Variants in PTPRM observed in about 807,000 individuals in gnomAD.
PTPRM encodes the protein receptor-type tyrosine-protein phosphatase mu.
PTPRM carries 47 observed loss-of-function variants against 186.7 expected under a neutral mutation model. The observed-to-expected ratio is 0.25, with a 90% CI of 0.20 to 0.32. The LOEUF is 0.32. Among genes scored for constraint, PTPRM ranks in the 10% least tolerant of loss-of-function variants. The pLI is 1.00. For synonymous variants in PTPRM, 668 were observed against 674.9 expected (o/e 0.99, Z 0.16); for missense variants, 1,494 against 1,865.0 (o/e 0.80, Z 3.66).
intron 1 of PTPRM, among the ~76,000 whole-genome samples, chr18:7,631,413 T>C (rs1310502968): frequency 6.6e-6 from 1 of 152,008 alleles, no homozygotes; most frequent in Non-Finnish European, 1.5e-5. Flanking sequence ...CCATTAACTT[T>C]GCTGTAATAA....
chr18:7,650,977 G>A (rs2038689346), intron 1 of PTPRM, among the ~76,000 whole-genome samples: 2 of 150,410 alleles, frequency 1.3e-5, no homozygotes, highest in Admixed American at 1.3e-4. Flanking sequence ...TGTTGCCCAG[G>A]CTGGAGTGCA....
At position 8,379,267 on chromosome 18, in the gene PTPRM, C is replaced by T. The variant is rs759528828; in HGVS notation, c.3713C>T (p.Pro1238Leu). Residue 1238 changes from proline (P) to leucine (L), a missense_variant, in exon 28 of 33, where the codon CCA becomes CTA. By Grantham distance (98) the Pro-to-Leu change is moderately conservative. Around this residue, in one of 3 missense-constraint regions of PTPRM, gnomAD observed 1,107 missense variants for 1,350.2 expected, o/e 0.82. Transcript: ENST00000580170. ...EKNRCMDILP[P>L]DRCLPFLITI... ...AACCGGTGCATGGACATCCTGCCCCCAGACCGCTGCCTGCCCTTCCTCATC... is the reference window on the plus strand; with the variant it reads ...AACCGGTGCATGGACATCCTGCCCCTAGACCGCTGCCTGCCCTTCCTCATC... The T allele has an allele frequency of 3.7e-6, 6 of 1,614,154 alleles. No homozygotes were observed. The East Asian group carries it at 1.1e-4, about 30-fold the overall frequency.
At chr18:8,214,452 A>G (rs1419103383) in intron 14 of PTPRM, among the ~76,000 whole-genome samples, 1 of 152,162 alleles carries the variant, frequency 6.6e-6, no homozygotes, top group African/African-American at 2.4e-5. Flanking sequence ...ATTCTTTTAA[A>G]AAGTTTAGTT....
chr18:8,197,636 A>G (rs1476501208), intron 14 of PTPRM, among the ~76,000 whole-genome samples: 1 of 152,228 alleles, frequency 6.6e-6, no homozygotes. Context: ...CTGAGTTCAT[A>G]GGATTAATCA....
chr18:7,756,839 T>G (rs1235051535), intron 1 of PTPRM, among the ~76,000 whole-genome samples: 1 of 152,058 alleles, frequency 6.6e-6, no homozygotes, highest in African/African-American at 2.4e-5. Context: ...GGGACAACGT[T>G]TTTGCCCTCC....
chr18:8,333,334 C>T (rs1303938613), intron 22 of PTPRM, among the ~76,000 whole-genome samples: 1 of 152,160 alleles, frequency 6.6e-6, no homozygotes, highest in East Asian at 1.9e-4. Flanking sequence ...AATGCTGAAG[C>T]CAAGTATATT....
At chr18:7,642,016 C>A (rs1435700586) in intron 1 of PTPRM, among the ~76,000 whole-genome samples, 1 of 152,156 alleles carries the variant, frequency 6.6e-6, no homozygotes, top group African/African-American at 2.4e-5. Context: ...AGGGCAGAAA[C>A]CTGACCTTTG....
intron 14 of PTPRM, among the ~76,000 whole-genome samples, chr18:8,215,644 G>T (rs2094073181): frequency 6.7e-6 from 1 of 149,204 alleles, no homozygotes. Context: ...CCGGGCTCAA[G>T]TGATCCTCTC....
At chr18:8,373,037 A>G (rs1379495789) in intron 24 of PTPRM, among the ~76,000 whole-genome samples, 1 of 152,204 alleles carries the variant, frequency 6.6e-6, no homozygotes, top group Admixed American at 6.5e-5. Flanking sequence ...CTAGACAACC[A>G]GTGAAGAGGT....
At chr18:7,597,151 C>T (rs749865015) in intron 1 of PTPRM, among the ~76,000 whole-genome samples, 54 of 152,238 alleles carry the variant, frequency 3.5e-4, no homozygotes, top group Middle Eastern at 3.4e-3. Context: ...TGCCAGCCTT[C>T]GTTTATCTTT....
At chr18:8,319,301 G>C (rs1185579188) in intron 22 of PTPRM, 87 bp downstream of exon 22, 1 of 943,974 alleles carries the variant, frequency 1.1e-6, no homozygotes, top group Admixed American at 2.3e-5. Flanking sequence ...CCTTCAGGAA[G>C]ATATTGCACA....
intron 1 of PTPRM, among the ~76,000 whole-genome samples, chr18:7,772,986 T>C (rs1209265096): frequency 6.6e-6 from 1 of 152,190 alleles, no homozygotes; most frequent in African/African-American, 2.4e-5. Context: ...AAAGATCTTA[T>C]ACTATAAAAA....
At chr18:7,783,766 G>GTGTGTGTGTGTA (rs2042969438) in intron 2 of PTPRM, among the ~76,000 whole-genome samples, 1 of 148,290 alleles carries the variant, frequency 6.7e-6, no homozygotes, top group Non-Finnish European at 1.5e-5. Context: ...GTGTGTGTGT[G>GTGTGTGTGTGTA]TGTGTGTATG....
intron 1 of PTPRM, among the ~76,000 whole-genome samples, chr18:7,681,551 C>CT (rs2039480917): frequency 6.6e-6 from 1 of 151,526 alleles, no homozygotes; most frequent in Admixed American, 6.6e-5. Flanking sequence ...CTTTCACTTC[C>CT]TGTGTTTTGG....
chr18:8,237,303 C>G (rs2094355970), intron 14 of PTPRM, among the ~76,000 whole-genome samples: 1 of 151,476 alleles, frequency 6.6e-6, no homozygotes. Context: ...TTTACTTTTA[C>G]TAATTCCTTC....
In PTPRM at chr18:7,692,742, A is replaced by G. The variant is rs189541255; in HGVS notation, c.74-81407A>G. 2.0e-5 allele frequency among the ~76,000 whole-genome samples: 3 copies of G among 152,328 alleles called. No homozygotes were observed. The East Asian group carries it at 5.8e-4, about 29-fold the overall frequency. ...AAATCAAATCATTGTTTTTCTAATG[A>G]TAACAGCAACATGCCATACCTCGTG... On this transcript the variant is annotated intron_variant, in intron 1 of 32. Transcript: ENST00000580170.
intron 8 of PTPRM, among the ~76,000 whole-genome samples, chr18:8,074,423 G>A (rs2089676886): frequency 6.6e-6 from 1 of 152,180 alleles, no homozygotes; most frequent in Non-Finnish European, 1.5e-5. Context: ...ATACCTAGGA[G>A]TGAAATTGTT....
At chr18:8,312,030 C>T (rs773525913) in intron 20 of PTPRM, among the ~76,000 whole-genome samples, 3 of 152,114 alleles carry the variant, frequency 2.0e-5, no homozygotes, top group Admixed American at 1.3e-4. Flanking sequence ...CTAATTCGGT[C>T]GGTTGCCTGC....
intron 23 of PTPRM, among the ~76,000 whole-genome samples, chr18:8,344,013 A>G (rs1265461574): frequency 6.6e-6 from 1 of 152,210 alleles, no homozygotes; most frequent in Non-Finnish European, 1.5e-5. Context: ...AAGGTCTTGT[A>G]CTACCTTCTC....
Sources: allele counts gnomAD v4.1 joint callset (sites outside exome capture counted in the v4.1 genomes callset), GRCh38; gene constraint gnomAD v4.1.1; regional missense constraint gnomAD v4.1.1; transcripts MANE v1.5; gene names NCBI Gene and HGNC (gene_info 2026-07-23, HGNC 2026-07-21).